The following CAMK1D variants were observed in gnomAD, a reference collection of about 807,000 sequenced individuals.
The protein encoded by CAMK1D is calcium/calmodulin dependent protein kinase ID, also known as calcium/calmodulin-dependent protein kinase type 1D.
A neutral mutation model predicts 47.7 loss-of-function variants in CAMK1D; 9 were observed. The ratio of observed to expected loss-of-function variants is 0.19; its 90% CI spans 0.11 to 0.33. The LOEUF is 0.33. CAMK1D is among the 10% of genes least tolerant of loss of function. CAMK1D has a pLI of 1.00. For synonymous variants in CAMK1D, 184 were observed against 184.9 expected, an observed-to-expected ratio of 0.99 and a Z score of 0.04; for missense variants, 291 against 488.7, an observed-to-expected ratio of 0.60 and a Z score of 3.81.
chr10:12,495,705 G>C (rs1418173277), intron 1 of CAMK1D, among the ~76,000 whole-genome samples: 3 of 152,244 alleles, frequency 2.0e-5, no homozygotes, highest in African/African-American at 4.8e-5. Context: ...CAGGAAGGAA[G>C]AATGTCCAAC....
chr10:12,383,973 A>G (rs1198356444), intron 1 of CAMK1D, among the ~76,000 whole-genome samples: 2 of 152,248 alleles, frequency 1.3e-5, no homozygotes, highest in African/African-American at 4.8e-5. Flanking sequence ...AATCACCTAG[A>G]TAACTATTCC....
chr10:12,787,243 G>A, intron 5 of CAMK1D, among the ~76,000 whole-genome samples: 1 of 152,258 alleles, frequency 6.6e-6, no homozygotes. Context: ...CCACGGCCCA[G>A]TGTGTCAGCA....
chr10:12,510,423 A>AAAT (rs1835006397), intron 1 of CAMK1D, among the ~76,000 whole-genome samples: 1 of 151,754 alleles, frequency 6.6e-6, no homozygotes, highest in Non-Finnish European at 1.5e-5. Flanking sequence ...CTAAAAAAAA[A>AAAT]TAATAATAAA....
intron 2 of CAMK1D, among the ~76,000 whole-genome samples, chr10:12,578,597 A>G (rs79861369): frequency 3.0e-4 from 37 of 122,724 alleles, no homozygotes; most frequent in African/African-American, 1.2e-3. Context: ...TTTTGTAGAG[A>G]TGAGATGTAG....
intron 8 of CAMK1D, among the ~76,000 whole-genome samples, chr10:12,819,239 A>G (rs1832923012): frequency 6.6e-6 from 1 of 152,194 alleles, no homozygotes; most frequent in Non-Finnish European, 1.5e-5. Context: ...CACCATGAGA[A>G]GGCTTGCCCC....
intron 1 of CAMK1D, among the ~76,000 whole-genome samples, chr10:12,466,196 A>G (rs1833584457): frequency 6.6e-6 from 1 of 152,156 alleles, no homozygotes; most frequent in East Asian, 1.9e-4. Context: ...TCACGAGGTC[A>G]GGAGATCGAG....
At chr10:12,579,956 A>G (rs2132335404) in intron 2 of CAMK1D, among the ~76,000 whole-genome samples, 1 of 152,234 alleles carries the variant, frequency 6.6e-6, no homozygotes, top group Admixed American at 6.5e-5. Context: ...AATTCTTTAG[A>G]AAAGTGTCCA....
chr10:12,585,888 G>A (rs1837802533), intron 2 of CAMK1D, among the ~76,000 whole-genome samples: 2 of 152,358 alleles, frequency 1.3e-5, no homozygotes, highest in Middle Eastern at 3.4e-3. Context: ...CGCAGCATCT[G>A]TGCTGCTCAG....
chr10:12,617,453 C>A (rs902339908), intron 2 of CAMK1D, among the ~76,000 whole-genome samples: 1 of 152,188 alleles, frequency 6.6e-6, no homozygotes, highest in African/African-American at 2.4e-5. Context: ...AGCAGCTTTT[C>A]CTCAGAGCAG....
At chr10:12,695,054 A>AGATC (rs1474307658) in intron 3 of CAMK1D, among the ~76,000 whole-genome samples, 1 of 126,162 alleles carries the variant, frequency 7.9e-6, no homozygotes, top group East Asian at 2.2e-4. Context: ...ATAGATAGAT[A>AGATC]GATAGATAGA....
intron 3 of CAMK1D, among the ~76,000 whole-genome samples, chr10:12,729,469 C>G (rs560519334): frequency 1.3e-5 from 2 of 152,068 alleles, no homozygotes; most frequent in East Asian, 3.9e-4. Context: ...GACCTCGTCT[C>G]TACAGAATTT....
chr10:12,596,150 T>A (rs1471431754), intron 2 of CAMK1D, among the ~76,000 whole-genome samples: 1 of 151,934 alleles, frequency 6.6e-6, no homozygotes, highest in Non-Finnish European at 1.5e-5. Context: ...GTGTGGGCAT[T>A]TGGAGGAGGG....
intron 4 of CAMK1D, among the ~76,000 whole-genome samples, chr10:12,768,828 A>G (rs1393759692): frequency 6.6e-6 from 1 of 152,210 alleles, no homozygotes; most frequent in African/African-American, 2.4e-5. Flanking sequence ...TGCTAGGAAC[A>G]ATGAGATTCC....
rs201388483 is a variant in CAMK1D at position 12,586,453 on chromosome 10, GAA to G, written c.224+33117_224+33118del. Among the ~76,000 whole-genome samples the G allele has an allele frequency of 5.7e-3, 640 of 111,740 alleles. 5 individuals are homozygous for G. Among genetic ancestry groups the G allele is most frequent in the African/African-American group, 0.018 (545 of 30,118 alleles). 73.3% of individuals were successfully genotyped at this position (111,740 alleles called of 152,430 possible). A position where few individuals can be genotyped will look rare whatever the true frequency, so the allele number is the denominator to read the frequency against. On this transcript the variant is annotated intron_variant, in intron 2 of 10. Coordinates refer to ENST00000619168, the MANE Select transcript of CAMK1D (RefSeq NM_153498.4). The stretch of plus-strand genomic sequence containing the variant: ...GACAGAGCAAGACTTCCTCTCAAAA[GAA>G]AAAAAAAAAAAAAAAAAAATTGAAG...
intron 1 of CAMK1D, among the ~76,000 whole-genome samples, chr10:12,520,959 A>AGGGGGG (rs1369227658): frequency 4.1e-4 from 1 of 2,410 alleles, no homozygotes; most frequent in Non-Finnish European, 8.1e-4. Context: ...GGGGAGGGGG[A>AGGGGGG]GGGGGAGGGG....
chr10:12,741,250 T>G (rs1207198718), intron 3 of CAMK1D, among the ~76,000 whole-genome samples: 2 of 152,150 alleles, frequency 1.3e-5, no homozygotes, highest in Admixed American at 6.5e-5. Flanking sequence ...TACTCTCAGA[T>G]TTTCCCATAT....
At chr10:12,541,709 T>A (rs953231157) in intron 1 of CAMK1D, among the ~76,000 whole-genome samples, 9 of 151,848 alleles carry the variant, frequency 5.9e-5, no homozygotes, top group African/African-American at 2.2e-4. Flanking sequence ...TCTGTAAGGG[T>A]TGGAGTTAGC....
intron 1 of CAMK1D, among the ~76,000 whole-genome samples, chr10:12,433,614 C>T (rs1274088511): frequency 6.6e-6 from 1 of 152,188 alleles, no homozygotes; most frequent in Non-Finnish European, 1.5e-5. Context: ...TGATTGGCAT[C>T]TCCCCAGTCA....
intron 1 of CAMK1D, among the ~76,000 whole-genome samples, chr10:12,544,490 C>A (rs1836295387): frequency 1.3e-5 from 2 of 152,228 alleles, no homozygotes; most frequent in East Asian, 3.9e-4. Context: ...AGACTTTTTC[C>A]AGTCAAAACA....
Sources: gnomAD v4.1 joint callset for allele counts (sites outside exome capture counted in the v4.1 genomes callset) on GRCh38, gnomAD v4.1.1 for gene constraint, MANE v1.5 for transcripts, NCBI Gene and HGNC (gene_info 2026-07-23, HGNC 2026-07-21) for gene names.